Variants in SPAG17 observed in about 807,000 individuals in gnomAD.
SPAG17 encodes sperm associated antigen 17.
In SPAG17, 169 loss-of-function variants were observed where a neutral mutation model predicts 273.6. That is an observed-to-expected ratio of 0.62 (90% CI 0.55 to 0.70). The LOEUF is 0.70. Ranked by LOEUF, SPAG17 falls within the 30% of genes least tolerant of loss-of-function variation. The pLI, the probability that SPAG17 is intolerant of heterozygous loss-of-function variation, is 0.00. For missense variants in SPAG17, 2,557 were observed against 2,627.8 expected (o/e 0.97, Z 0.59); for synonymous variants, 825 against 873.2 (o/e 0.94, Z 0.97).
rs560259678 is a variant in SPAG17, at chr1:118,158,098, A to T, written c.88-6729T>A. Among the ~76,000 whole-genome samples, 117 of 152,300 alleles carry T rather than the reference A, an allele frequency of 7.7e-4. 1 individual carries two copies. The highest frequency in any genetic ancestry group is 2.8e-3 in the African/African-American group (115 of 41,566). On this transcript the variant is annotated intron_variant, in intron 1 of 48. Transcript: ENST00000336338. ...AAACTTGTTAACTGACGTGTTTCTAAAGTATTTTGGGTCCTTGGAAGAGAG... is the reference window on the plus strand; with the variant it reads ...AAACTTGTTAACTGACGTGTTTCTATAGTATTTTGGGTCCTTGGAAGAGAG...
At chr1:118,030,281 T>C (rs184879784) in intron 25 of SPAG17, among the ~76,000 whole-genome samples, 15 of 152,254 alleles carry the variant, frequency 9.9e-5, no homozygotes, top group Admixed American at 8.5e-4. Context: ...CCCAGGTTCT[T>C]GGGTATTTTT....
intron 17 of SPAG17, 68 bp downstream of exon 17, chr1:118,073,785 TG>T (rs1175137285): frequency 9.1e-6 from 9 of 985,100 alleles, no homozygotes; most frequent in Non-Finnish European, 1.4e-5. Flanking sequence ...GGAGGTGAAC[TG>T]TTCTAAATCA....
At chr1:117,983,644 A>C (rs1037870860) in intron 42 of SPAG17, among the ~76,000 whole-genome samples, 167 bp downstream of exon 42, 11 of 152,138 alleles carry the variant, frequency 7.2e-5, no homozygotes, top group African/African-American at 2.4e-4. Context: ...TGAAAACTAA[A>C]TGTTATTTAC....
In SPAG17 at chr1:117,970,300, T is replaced by C. The variant is rs542350660; in HGVS notation, c.6327-184A>G. 2.0e-5 allele frequency among the ~76,000 whole-genome samples: 3 copies of C among 152,364 alleles called. No homozygotes were observed. In the South Asian group the frequency reaches 6.2e-4, roughly 32 times the overall value. On this transcript the variant is annotated intron_variant, in intron 45 of 48. Coordinates refer to ENST00000336338, the MANE Select transcript of SPAG17 (RefSeq NM_206996.4). ...AAGAATCTGGGGCCCATTTCACAAC[T>C]GCCTTTCCAACAGTTTTCATCAGCG...
intron 1 of SPAG17, among the ~76,000 whole-genome samples, chr1:118,167,097 T>G (rs2102384664): frequency 6.6e-6 from 1 of 152,288 alleles, no homozygotes; most frequent in East Asian, 1.9e-4. Flanking sequence ...TTGATAAAAT[T>G]TTTATTTCAA....
chr1:118,153,005 C>G (rs1275190519), intron 1 of SPAG17, among the ~76,000 whole-genome samples: 1 of 152,194 alleles, frequency 6.6e-6, no homozygotes. Context: ...ACCACCTTTA[C>G]CCCCTTATCC....
In SPAG17 at chr1:117,981,361, A is replaced by C. The variant is rs764841044; in HGVS notation, c.5913T>G (p.Ser1971Arg). 8.7e-6 allele frequency: 14 copies of C among 1,603,998 alleles called. No homozygotes were observed. The highest frequency in any genetic ancestry group is 3.5e-5 in the Admixed American group (2 of 56,532). Residue 1971 changes from serine (S) to arginine (R), a missense_variant, in exon 43 of 49, where the codon AGT (serine) becomes AGG (arginine). Ser to Arg is a moderately radical substitution (Grantham distance 110). Coordinates refer to ENST00000336338, the MANE Select transcript of SPAG17 (RefSeq NM_206996.4). Reference protein sequence around the residue: ...PHKVSEQKSSSVPSLPKPEIS... With the variant: ...PHKVSEQKSSRVPSLPKPEIS... ...TCTCTGGTTTTGGAAGACTAGGCAC[A>C]CTTGAGGATTTCTGTTCTGAAACCT...
chr1:117,974,745 T>C (rs962935349), intron 43 of SPAG17, among the ~76,000 whole-genome samples: 12 of 151,954 alleles, frequency 7.9e-5, no homozygotes, highest in Non-Finnish European at 1.3e-4. Context: ...ATCCAGGAGG[T>C]GGAAATAAGA....
In SPAG17 at chr1:117,982,941, C is replaced by A. The variant is rs138660877; in HGVS notation, c.5872+870G>T. 2.4e-4 allele frequency among the ~76,000 whole-genome samples: 36 copies of A among 152,212 alleles called. No homozygotes were observed. In the East Asian group the frequency reaches 5.8e-3, roughly 25 times the overall value. The stretch of plus-strand genomic sequence containing the variant: ...TGTCTGCATTTTGGTAGACATTTTT[C>A]TCTGTTTCCTCTTGATTAGATTCTG... On this transcript the variant is annotated intron_variant, in intron 42 of 48. Coordinates refer to ENST00000336338, the MANE Select transcript of SPAG17 (RefSeq NM_206996.4).
intron 1 of SPAG17, among the ~76,000 whole-genome samples, chr1:118,166,358 A>G (rs1660169837): frequency 6.6e-6 from 1 of 152,186 alleles, no homozygotes; most frequent in Non-Finnish European, 1.5e-5. Flanking sequence ...GAAGTATAGG[A>G]AATGTTTTGT....
At position 118,016,123 on chromosome 1, in the gene SPAG17, G is replaced by C; in HGVS notation, c.4129C>G (p.Pro1377Ala). 1 of 1,614,048 alleles carries C rather than the reference G, an allele frequency of 6.2e-7. No individual in the cohort carries two copies. Among genetic ancestry groups the C allele is most frequent in the Non-Finnish European group, 8.5e-7 (1 of 1,179,976 alleles). The change falls in exon 29 of 49, where the codon CCA becomes GCA. Residue 1377 changes from proline (P) to alanine (A), a missense_variant. Physicochemically the swap from Pro to Ala is conservative, Grantham distance 27. Coordinates refer to ENST00000336338, the MANE Select transcript of SPAG17 (RefSeq NM_206996.4). ...GGAGTTACAGTTTGAACTGCCTCTG[G>C]AGGAGGGTCATGGATTTCACCCTTA... is the stretch of plus-strand genomic sequence containing the variant. ...AHKGEIHDPP[P>A]EAVQTVTPVE... is the part of the protein sequence containing the mutation.
At chr1:118,081,350 C>A (rs753479260) in intron 14 of SPAG17, 31 bp from the exon 15 acceptor site, 9 of 1,611,208 alleles carry the variant, frequency 5.6e-6, no homozygotes, top group Middle Eastern at 1.7e-4. Flanking sequence ...CCATGAGATA[C>A]AATATGAGAA....
Position 118,085,909 on chromosome 1 carries a change from G to T in SPAG17, c.1762+13C>A. 1 of 1,589,854 alleles carries T rather than the reference G, an allele frequency of 6.3e-7. No individual in the cohort carries two copies. The highest frequency in any genetic ancestry group is 8.5e-7 in the Non-Finnish European group (1 of 1,171,456). Reference sequence around the variant, plus strand: ...TAAATTGAGTTTAAGCTAAGACAAAGCAATGGACTCACCACTCGTACAAAA... The same window carrying T: ...TAAATTGAGTTTAAGCTAAGACAAATCAATGGACTCACCACTCGTACAAAA... On this transcript the variant is annotated intron_variant, in intron 13 of 48. Coordinates refer to ENST00000336338, the MANE Select transcript of SPAG17 (RefSeq NM_206996.4).
At chr1:118,137,563 G>T (rs901514317) in intron 3 of SPAG17, among the ~76,000 whole-genome samples, 1 of 152,190 alleles carries the variant, frequency 6.6e-6, no homozygotes, top group East Asian at 1.9e-4. Flanking sequence ...CAGTTTTTCT[G>T]AGTAAGAGTT....
At chr1:117,979,025 G>A (rs559042936) in intron 43 of SPAG17, among the ~76,000 whole-genome samples, 1 of 152,108 alleles carries the variant, frequency 6.6e-6, no homozygotes, top group South Asian at 2.1e-4. Flanking sequence ...ATGCCACCAT[G>A]CCTGGCTAAT....
intron 28 of SPAG17, among the ~76,000 whole-genome samples, chr1:118,021,505 T>C (rs1438154287): frequency 6.6e-6 from 1 of 152,164 alleles, no homozygotes; most frequent in Non-Finnish European, 1.5e-5. Flanking sequence ...AGACATAGAA[T>C]GTACAACACC....
At chr1:117,981,464 T>G in intron 42 of SPAG17, 63 bp from the exon 43 acceptor site, 1 of 1,498,828 alleles carries the variant, frequency 6.7e-7, no homozygotes, top group Non-Finnish European at 8.9e-7. Flanking sequence ...TGACTACTAA[T>G]GTTTGCATGA....
intron 3 of SPAG17, among the ~76,000 whole-genome samples, chr1:118,135,403 GTGTGTGTA>G (rs1344007006): frequency 1.8e-4 from 26 of 145,334 alleles, no homozygotes; most frequent in East Asian, 1.6e-3. Flanking sequence ...GTGTGTGTGT[GTGTGTGTA>G]TGTGTGTGTG....
chr1:118,179,833 A>G (rs1660859151), intron 1 of SPAG17, among the ~76,000 whole-genome samples: 1 of 152,134 alleles, frequency 6.6e-6, no homozygotes, highest in Non-Finnish European at 1.5e-5. Context: ...CAAAAGGTAT[A>G]TGAAAAGATG....
Sources: allele counts gnomAD v4.1 joint callset (sites outside exome capture counted in the v4.1 genomes callset), GRCh38; gene constraint gnomAD v4.1.1; transcripts MANE v1.5; gene names NCBI Gene and HGNC (gene_info 2026-07-23, HGNC 2026-07-21).